The following NPFFR2 variants were observed in gnomAD, a reference collection of about 807,000 sequenced individuals.
The protein encoded by NPFFR2 is G-protein coupled receptor 74.
NPFFR2 carries 15 observed loss-of-function variants against 13.1 expected under a neutral mutation model. The ratio of observed to expected loss-of-function variants is 1.15; its 90% CI spans 0.77 to 1.76. NPFFR2 has a LOEUF of 1.76. Ranked by LOEUF, NPFFR2 falls within the 40% of genes most tolerant of loss-of-function variation. NPFFR2 has a pLI of 0.00. For missense variants in NPFFR2, 572 were observed against 503.5 expected, an observed-to-expected ratio of 1.14 and a Z score of -1.30; for synonymous variants, 190 against 175.7, an observed-to-expected ratio of 1.08 and a Z score of -0.65.
intron 1 of NPFFR2, among the ~76,000 whole-genome samples, chr4:72,053,120 G>C (rs1719639672): frequency 6.6e-6 from 1 of 151,828 alleles, no homozygotes; most frequent in African/African-American, 2.4e-5. Context: ...TGTGTCGTTG[G>C]CAATGGTCCT....
rs33914836 is a variant in NPFFR2 at position 72,048,087 on chromosome 4, CAT to C, written c.-8+15892_-8+15893del. ...CACACACGTATATTACACACACACA[CAT>C]ATATGTTTATGTATAGGTCATCTCC... On this transcript the variant is annotated intron_variant, in intron 1 of 3. Coordinates refer to ENST00000308744, the MANE Select transcript of NPFFR2 (RefSeq NM_004885.3). Among the ~76,000 whole-genome samples, 1,212 of 152,062 alleles carry C rather than the reference CAT, an allele frequency of 8.0e-3. 8 individuals carry two copies. The highest frequency in any genetic ancestry group is 0.017 in the African/African-American group (701 of 41,472).
At chr4:72,063,490 T>C (rs149019297) in intron 1 of NPFFR2, among the ~76,000 whole-genome samples, 13 of 152,354 alleles carry the variant, frequency 8.5e-5, no homozygotes, top group African/African-American at 3.1e-4. Context: ...AAAAGCTTTA[T>C]AAGTATTTTA....
intron 1 of NPFFR2, among the ~76,000 whole-genome samples, chr4:72,108,139 T>C (rs1721468801): frequency 6.6e-6 from 1 of 152,000 alleles, no homozygotes; most frequent in African/African-American, 2.4e-5. Context: ...TGCAGTGTTA[T>C]ATACCACAGC....
At chr4:72,076,616 G>A (rs1199974592) in intron 1 of NPFFR2, among the ~76,000 whole-genome samples, 1 of 152,156 alleles carries the variant, frequency 6.6e-6, no homozygotes, top group African/African-American at 2.4e-5. Flanking sequence ...ACTGCTGTGT[G>A]TGGAAGAATA....
chr4:72,136,744 C>T (rs1344355374), intron 2 of NPFFR2, among the ~76,000 whole-genome samples: 1 of 152,160 alleles, frequency 6.6e-6, no homozygotes, highest in Non-Finnish European at 1.5e-5. Flanking sequence ...CACCTGGTGA[C>T]TCGGGGTTTA....
At chr4:72,111,070 A>T (rs1721553572) in intron 1 of NPFFR2, among the ~76,000 whole-genome samples, 1 of 152,006 alleles carries the variant, frequency 6.6e-6, no homozygotes, top group South Asian at 2.1e-4. Context: ...GCTCCAGTCA[A>T]TGTAATTCCA....
At chr4:72,123,970 A>G (rs994181119) in intron 1 of NPFFR2, among the ~76,000 whole-genome samples, 1 of 152,228 alleles carries the variant, frequency 6.6e-6, no homozygotes, top group African/African-American at 2.4e-5. Flanking sequence ...GAGGAAGTCA[A>G]ATTGTTCCTG....
chr4:72,068,063 A>T lies in NPFFR2; in HGVS notation c.-8+35863A>T, dbSNP rs956984409. On this transcript the variant is annotated intron_variant, in intron 1 of 3. Coordinates refer to ENST00000308744, the MANE Select transcript of NPFFR2 (RefSeq NM_004885.3). ...AAAAGTTTTCCAGTCTGTAGCCATTACCCAATTCCAAATCTACTTCCCTAT... is the reference window on the plus strand; with the variant it reads ...AAAAGTTTTCCAGTCTGTAGCCATTTCCCAATTCCAAATCTACTTCCCTAT... Among the ~76,000 whole-genome samples, 6 of 152,196 alleles carry T rather than the reference A, an allele frequency of 3.9e-5. No individual in the cohort carries two copies. In the East Asian group the frequency reaches 5.8e-4, roughly 15 times the overall value.
intron 1 of NPFFR2, among the ~76,000 whole-genome samples, chr4:72,113,009 T>C (rs756220477): frequency 6.6e-6 from 1 of 152,102 alleles, no homozygotes; most frequent in Non-Finnish European, 1.5e-5. Flanking sequence ...CTGCAAGTAA[T>C]GATTTACCTG....
At chr4:72,045,405 AC>A (rs1719347982) in intron 1 of NPFFR2, among the ~76,000 whole-genome samples, 1 of 152,144 alleles carries the variant, frequency 6.6e-6, no homozygotes, top group Non-Finnish European at 1.5e-5. Context: ...TTATACCAAT[AC>A]CATTTCCTCT....
At chr4:72,079,354 C>G (rs1720535820) in intron 1 of NPFFR2, among the ~76,000 whole-genome samples, 1 of 151,874 alleles carries the variant, frequency 6.6e-6, no homozygotes, top group African/African-American at 2.4e-5. Flanking sequence ...CTTTCAAATA[C>G]TACATTTGGA....
intron 3 of NPFFR2, among the ~76,000 whole-genome samples, chr4:72,140,790 G>T (rs922748951): frequency 6.6e-6 from 1 of 152,160 alleles, no homozygotes; most frequent in Admixed American, 6.5e-5. Flanking sequence ...ATGAGTTAAA[G>T]AGGATTCCCT....
Position 72,041,077 on chromosome 4 carries a change from T to A in NPFFR2, c.-8+8877T>A, listed in dbSNP as rs140500160. On this transcript the variant is annotated intron_variant, in intron 1 of 3. Transcript: ENST00000308744. Reference sequence around the variant, plus strand: ...ATATTGTGTGATGCTGAGGTTTGGGTACAGTTGAACCCATTACCCAGGTAG... The same window carrying A: ...ATATTGTGTGATGCTGAGGTTTGGGAACAGTTGAACCCATTACCCAGGTAG... 4.3e-4 allele frequency among the ~76,000 whole-genome samples: 66 copies of A among 152,206 alleles called. No homozygotes were observed. In the Middle Eastern group the frequency reaches 0.017, roughly 39 times the overall value.
At position 72,064,423 on chromosome 4, in the gene NPFFR2, C is replaced by G. The variant is rs144432697; in HGVS notation, c.-8+32223C>G. Among the ~76,000 whole-genome samples, 858 of 152,340 alleles carry G rather than the reference C, an allele frequency of 5.6e-3. 5 individuals carry two copies. The highest frequency in any genetic ancestry group is 0.02 in the African/African-American group (825 of 41,576). On this transcript the variant is annotated intron_variant, in intron 1 of 3. Transcript: ENST00000308744. Reference sequence around the variant, plus strand: ...GCCACCCTCCGTAGGCAGTTCTCAACTTCTCAGCTTGTAAGCAAGCATGGA... The same window carrying G: ...GCCACCCTCCGTAGGCAGTTCTCAAGTTCTCAGCTTGTAAGCAAGCATGGA...
chr4:72,127,025 G>C (rs1012321289), intron 1 of NPFFR2, among the ~76,000 whole-genome samples: 1 of 151,952 alleles, frequency 6.6e-6, no homozygotes, highest in Non-Finnish European at 1.5e-5. Context: ...CATATAGGCC[G>C]GGTGCGGTGG....
In NPFFR2 at chr4:72,120,333, A is replaced by G. The variant is rs1475720532; in HGVS notation, c.-7-8252A>G. ...AAGAGCGGCTGTGGGTGCAACTTCA[A>G]CAAACTTAAACATTCCTGCCTGCTG... On this transcript the variant is annotated intron_variant, in intron 1 of 3. Transcript: ENST00000308744. Among the ~76,000 whole-genome samples the G allele has an allele frequency of 2.9e-5, 4 of 138,624 alleles. No individual in the cohort carries two copies. In the South Asian group the frequency reaches 9.4e-4, roughly 33 times the overall value. 90.9% of individuals were successfully genotyped at this position (138,624 alleles called of 152,430 possible).
Position 72,059,902 on chromosome 4 carries a change from A to G in NPFFR2, c.-8+27702A>G, listed in dbSNP as rs373205139. ...TAACTTGGGAACCTGCACATTAACA[A>G]TGACCACAAATCCTGGAAGACCTGG... On this transcript the variant is annotated intron_variant, in intron 1 of 3. Coordinates refer to ENST00000308744, the MANE Select transcript of NPFFR2 (RefSeq NM_004885.3). Among the ~76,000 whole-genome samples, 24 of 152,210 alleles carry G rather than the reference A, an allele frequency of 1.6e-4. No individual in the cohort carries two copies. The South Asian group carries it at 2.1e-3, about 13-fold the overall frequency.
At chr4:72,089,782 T>G (rs1395328095) in intron 1 of NPFFR2, among the ~76,000 whole-genome samples, 1 of 152,182 alleles carries the variant, frequency 6.6e-6, no homozygotes, top group Non-Finnish European at 1.5e-5. Flanking sequence ...CTGTCTACTC[T>G]GCTGATTATT....
At chr4:72,099,912 A>G (rs1721191351) in intron 1 of NPFFR2, among the ~76,000 whole-genome samples, 1 of 152,112 alleles carries the variant, frequency 6.6e-6, no homozygotes, top group Non-Finnish European at 1.5e-5. Flanking sequence ...TTCCACACAT[A>G]TACATAAATA....
Sources: gnomAD v4.1 joint callset for allele counts (sites outside exome capture counted in the v4.1 genomes callset) on GRCh38, gnomAD v4.1.1 for gene constraint, MANE v1.5 for transcripts, NCBI Gene and HGNC (gene_info 2026-07-23, HGNC 2026-07-21) for gene names.